EMSY: variants seen among roughly 807,000 people sequenced by gnomAD.
The protein encoded by EMSY is EMSY transcriptional repressor, BRCA2 interacting.
In EMSY, 26 loss-of-function variants were observed where a neutral mutation model predicts 134.6. The observed-to-expected ratio is 0.19, with a 90% CI of 0.14 to 0.27. The LOEUF (loss-of-function observed/expected upper bound fraction) is 0.27. Among genes scored for constraint, EMSY ranks in the 10% least tolerant of loss-of-function variants. EMSY has a pLI of 1.00. For missense variants in EMSY, 1,305 were observed against 1,611.4 expected, an observed-to-expected ratio of 0.81 and a Z score of 3.26; for synonymous variants, 579 against 577.8, an observed-to-expected ratio of 1.00 and a Z score of -0.03.
At chr11:76,522,032 T>A (rs915576598) in intron 11 of EMSY, among the ~76,000 whole-genome samples, 11 of 151,750 alleles carry the variant, frequency 7.2e-5, no homozygotes, top group South Asian at 6.3e-4. Flanking sequence ...TTAAAAAAAA[T>A]AAATAAATAA....
intron 1 of EMSY, among the ~76,000 whole-genome samples, chr11:76,445,415 G>A (rs1947336534): frequency 6.6e-6 from 1 of 152,196 alleles, no homozygotes; most frequent in Non-Finnish European, 1.5e-5. Flanking sequence ...GGGAGGGAGT[G>A]AGGCGCGGGT....
intron 2 of EMSY, 102 bp from the exon 3 acceptor site, chr11:76,451,756 A>G: frequency 1.9e-6 from 1 of 532,454 alleles, no homozygotes; most frequent in Admixed American, 4.2e-5. Flanking sequence ...CAATATTTTT[A>G]TTTAATTATT....
At chr11:76,512,252 CT>C (rs1328275439) in intron 9 of EMSY, among the ~76,000 whole-genome samples, 3 of 152,014 alleles carry the variant, frequency 2.0e-5, no homozygotes, top group Admixed American at 6.6e-5. Flanking sequence ...TAACCCTTTT[CT>C]CATTTACCCC....
chr11:76,465,380 C>T (rs538290067), intron 7 of EMSY, among the ~76,000 whole-genome samples: 18 of 152,244 alleles, frequency 1.2e-4, no homozygotes, highest in Admixed American at 7.8e-4. Flanking sequence ...CGAGTTTTCT[C>T]GTCTATAAAA....
intron 11 of EMSY, among the ~76,000 whole-genome samples, chr11:76,522,771 A>G (rs545922574): frequency 3.3e-5 from 5 of 152,220 alleles, no homozygotes; most frequent in African/African-American, 1.2e-4. Context: ...TTCTTTTTTG[A>G]AGGATTTTCC....
At chr11:76,464,177 G>A in intron 7 of EMSY, 97 bp downstream of exon 8, 7 of 1,383,446 alleles carry the variant, frequency 5.1e-6, no homozygotes, top group Non-Finnish European at 6.0e-6. Context: ...TATGTGCTTG[G>A]CATTATGCTG....
intron 19 of EMSY, 117 bp from the exon 21 acceptor site, chr11:76,545,657 TCTTTTTAAAACAGCAAGCTTCAA>T (rs1951618875): frequency 1.8e-6 from 2 of 1,089,590 alleles, no homozygotes; most frequent in South Asian, 3.4e-5. Context: ...TATCCAGCCC[TCTTTTTAAAACAGCAAGCTTCAA>T]AACTGTCTTC....
chr11:76,538,608 G>A (rs1361825714), intron 16 of EMSY, among the ~76,000 whole-genome samples: 1 of 152,114 alleles, frequency 6.6e-6, no homozygotes, highest in Non-Finnish European at 1.5e-5. Flanking sequence ...TTGTGGGAAG[G>A]TGGGTCAAGG....
At chr11:76,515,072 G>GTT (rs200970007) in intron 10 of EMSY, among the ~76,000 whole-genome samples, 3 of 128,874 alleles carry the variant, frequency 2.3e-5, no homozygotes, top group African/African-American at 5.7e-5. Context: ...AGTTTTGTGG[G>GTT]TTTTTTTTTT....
intron 6 of EMSY, 96 bp from the exon 8 acceptor site, chr11:76,463,723 CAG>C: frequency 2.2e-6 from 3 of 1,350,160 alleles, no homozygotes; most frequent in Non-Finnish European, 3.0e-6. Context: ...TGGCTTAAGA[CAG>C]AGAGAGGACA....
chr11:76,457,316 G>A (rs568479057), intron 4 of EMSY, among the ~76,000 whole-genome samples: 10 of 152,212 alleles, frequency 6.6e-5, no homozygotes, highest in East Asian at 1.9e-4. Context: ...TGATTATTTC[G>A]GAGTGAATTT....
chr11:76,474,459 A>G (rs1345660356), intron 8 of EMSY, among the ~76,000 whole-genome samples: 2 of 152,228 alleles, frequency 1.3e-5, no homozygotes, highest in East Asian at 3.9e-4. Flanking sequence ...AGTGAATGCA[A>G]GCACTCAAGT....
In EMSY at chr11:76,452,458, A is replaced by G. The variant is rs191101843; in HGVS notation, c.170+501A>G. Among the ~76,000 whole-genome samples the G allele has an allele frequency of 8.5e-5, 13 of 152,364 alleles. No homozygotes were observed. In the East Asian group the frequency reaches 1.7e-3, roughly 20 times the overall value. ...TACTTAACATTAATATAGGGATGTT[A>G]TTAAGCCAAATTCTCAATCTTACTG... On this transcript the variant is annotated intron_variant, in intron 3 of 20. Coordinates refer to ENST00000334736, the Ensembl canonical transcript of EMSY.
intron 9 of EMSY, among the ~76,000 whole-genome samples, chr11:76,499,362 A>G (rs1279371130): frequency 7.9e-6 from 1 of 127,268 alleles, no homozygotes; most frequent in Non-Finnish European, 1.5e-5. Context: ...ATCTCGGCTC[A>G]CTGCAAGCTC....
intron 7 of EMSY, among the ~76,000 whole-genome samples, chr11:76,468,789 G>T (rs1948459932): frequency 6.6e-6 from 1 of 152,182 alleles, no homozygotes; most frequent in South Asian, 2.1e-4. Context: ...TTATATATCA[G>T]AGCAGCAGAA....
chr11:76,464,186 T>A (rs948115275), intron 7 of EMSY, 106 bp downstream of exon 8: 122 of 1,327,094 alleles, frequency 9.2e-5, no homozygotes, highest in Non-Finnish European at 1.2e-4. Context: ...GGCATTATGC[T>A]GGGGATGTTC....
At chr11:76,478,463 C>T (rs1278540990) in intron 8 of EMSY, among the ~76,000 whole-genome samples, 2 of 151,602 alleles carry the variant, frequency 1.3e-5, no homozygotes, top group African/African-American at 2.4e-5. Flanking sequence ...CCTGCCTCAG[C>T]CTCCTGAGTA....
At chr11:76,518,881 T>TGTGTGG (rs1479491712) in intron 11 of EMSY, among the ~76,000 whole-genome samples, 1 of 150,708 alleles carries the variant, frequency 6.6e-6, no homozygotes, top group Non-Finnish European at 1.5e-5. Context: ...TGTGTGTGTG[T>TGTGTGG]GTCATTATAA....
chr11:76,479,042 C>T (rs1371095336), intron 8 of EMSY, among the ~76,000 whole-genome samples: 3 of 151,916 alleles, frequency 2.0e-5, no homozygotes, highest in Non-Finnish European at 4.4e-5. Context: ...TATACCCTTT[C>T]AGAATATTTC....
Sources: allele counts gnomAD v4.1 joint callset (sites outside exome capture counted in the v4.1 genomes callset), GRCh38; gene constraint gnomAD v4.1.1; transcripts MANE v1.5; gene names NCBI Gene and HGNC (gene_info 2026-07-23, HGNC 2026-07-21).